The following CERS4 variants were observed in gnomAD, a reference collection of about 807,000 sequenced individuals.
CERS4 encodes the protein ceramide synthase 4, also known as LAG1 homolog, ceramide synthase 4.
In CERS4, 65 loss-of-function variants were observed where a neutral mutation model predicts 51.8. The observed-to-expected ratio is 1.26, with a 90% CI of 1.03 to 1.54. The LOEUF is 1.54. Ranked by LOEUF, CERS4 falls within the 40% of genes most tolerant of loss-of-function variation. The probability of loss-of-function intolerance (pLI) is 0.00; values close to 1 mark genes in which losing one functional copy is unlikely to be tolerated. For missense variants in CERS4, 563 were observed against 500.4 expected, an observed-to-expected ratio of 1.13 and a Z score of -1.19; for synonymous variants, 228 against 208.4, an observed-to-expected ratio of 1.09 and a Z score of -0.81.
intron 2 of CERS4, among the ~76,000 whole-genome samples, chr19:8,220,785 G>C (rs1316458681): frequency 6.6e-6 from 1 of 151,678 alleles, no homozygotes. Flanking sequence ...TGGCATCAAG[G>C]CTGAGGGCTT....
At chr19:8,232,678 A>C (rs1363528350) in intron 2 of CERS4, among the ~76,000 whole-genome samples, 1 of 152,016 alleles carries the variant, frequency 6.6e-6, no homozygotes, top group African/African-American at 2.4e-5. Flanking sequence ...TGAGTATACA[A>C]ATGTTGTTAG....
In CERS4 at chr19:8,258,227, G is replaced by GC. The variant is rs1458283502; in HGVS notation, c.848+244dup. 3.9e-5 allele frequency among the ~76,000 whole-genome samples: 6 copies of GC among 152,292 alleles called. No individual in the cohort carries two copies. In the South Asian group the frequency reaches 1.2e-3, roughly 32 times the overall value. On this transcript the variant is annotated intron_variant, in intron 10 of 11. Coordinates refer to ENST00000251363, the MANE Select transcript of CERS4 (RefSeq NM_024552.3). ...TGCAGTGGGAGGAAGGGTCAGGGCT[G>GC]CCAGCGCACCAAAGTCTGCCCAGTA...
rs869119452 is a variant in CERS4 at position 8,249,587 on chromosome 19, A to ATTTTTTTTT, written c.-1-1475_-1-1467dup. 7.9e-4 allele frequency among the ~76,000 whole-genome samples: 72 copies of ATTTTTTTTT among 91,354 alleles called. 4 individuals are homozygous for ATTTTTTTTT. The highest frequency in any genetic ancestry group is 1.1e-3 in the East Asian group (3 of 2,726). 59.9% of individuals were successfully genotyped at this position (91,354 alleles called of 152,430 possible). On this transcript the variant is annotated intron_variant, in intron 2 of 11. Transcript: ENST00000251363. ...TAGATGGCCAGGAAAGGAACTCTGG[A>ATTTTTTTTT]TTTTTTTTTTTTTTTTTTTTTTGAG...
intron 2 of CERS4, among the ~76,000 whole-genome samples, chr19:8,227,775 C>T (rs941737377): frequency 1.3e-5 from 2 of 152,106 alleles, no homozygotes; most frequent in African/African-American, 4.8e-5. Context: ...CCTAGCGTCA[C>T]CAGATTCACA....
In CERS4 at chr19:8,257,925, C is replaced by T. The variant is rs757091703; in HGVS notation, c.788C>T (p.Ala263Val). The change falls in exon 10 of 12, where the codon GCT becomes GTT. Residue 263 changes from alanine (A) to valine (V), a missense_variant. By Grantham distance (64) the Ala-to-Val change is moderately conservative (BLOSUM62 0). Transcript: ENST00000251363. ...NYMQYQQVCD[A>V]LFLIFSFVFF... is the part of the protein sequence containing the mutation. ...ATGCAGTATCAGCAAGTGTGCGACG[C>T]TCTCTTCCTCATCTTCTCCTTTGTC... 1.2e-6 allele frequency: 2 copies of T among 1,613,970 alleles called. No individual in the cohort carries two copies. Among genetic ancestry groups the T allele is most frequent in the African/African-American group, 2.7e-5 (2 of 74,920 alleles).
intron 2 of CERS4, among the ~76,000 whole-genome samples, chr19:8,217,697 T>C (rs1304756589): frequency 6.6e-6 from 1 of 151,008 alleles, no homozygotes; most frequent in East Asian, 2.0e-4. Flanking sequence ...CCACCACGCC[T>C]GGCTATTTTT....
chr19:8,259,920 TGA>T (rs1969590681), intron 10 of CERS4, among the ~76,000 whole-genome samples: 1 of 152,022 alleles, frequency 6.6e-6, no homozygotes, highest in South Asian at 2.1e-4. Flanking sequence ...CCATGGAGCA[TGA>T]GAGTCAGATT....
chr19:8,242,260 G>C (rs1968568593), intron 2 of CERS4, among the ~76,000 whole-genome samples: 1 of 152,226 alleles, frequency 6.6e-6, no homozygotes, highest in Non-Finnish European at 1.5e-5. Context: ...AGAGGGAGAA[G>C]AGGGAAGGGA....
intron 2 of CERS4, chr19:8,240,588 G>GTGTGTGTGTGTA (rs1436372130): frequency 6.8e-6 from 1 of 147,888 alleles, no homozygotes; most frequent in East Asian, 1.9e-4. Flanking sequence ...GTATGCAAGT[G>GTGTGTGTGTGTA]TGTGTGTGTG....
chr19:8,250,233 CCA>C, intron 2 of CERS4, among the ~76,000 whole-genome samples: 1 of 152,250 alleles, frequency 6.6e-6, no homozygotes. Flanking sequence ...CCTCAGCCTC[CCA>C]CAGTGTTGGG....
chr19:8,214,355 T>C (rs952118962), intron 2 of CERS4: 14 of 152,414 alleles, frequency 9.2e-5, no homozygotes, highest in African/African-American at 3.1e-4. Context: ...ACGGAGCTGA[T>C]GTCCCCGCAG....
At chr19:8,245,119 A>C (rs112286859) in intron 2 of CERS4, among the ~76,000 whole-genome samples, 1,316 of 61,952 alleles carry the variant, frequency 0.021, 41 homozygotes, top group African/African-American at 0.063. Flanking sequence ...CTCAAAAAAA[A>C]AAAAAAAAAA....
chr19:8,229,598 AG>A (rs1967929717), intron 2 of CERS4, among the ~76,000 whole-genome samples: 1 of 151,982 alleles, frequency 6.6e-6, no homozygotes, highest in African/African-American at 2.4e-5. Context: ...TAGTAGAGAC[AG>A]GGTTTCACCA....
intron 2 of CERS4, among the ~76,000 whole-genome samples, chr19:8,234,892 G>C (rs761867383): frequency 1.3e-5 from 2 of 151,722 alleles, no homozygotes; most frequent in Non-Finnish European, 2.9e-5. Context: ...GACTATTCTA[G>C]AGACCTCATA....
At chr19:8,215,345 G>A (rs1967253954) in intron 2 of CERS4, among the ~76,000 whole-genome samples, 1 of 152,042 alleles carries the variant, frequency 6.6e-6, no homozygotes, top group Non-Finnish European at 1.5e-5. Context: ...CAGGTGCAGC[G>A]GTGTGTGCCT....
intron 2 of CERS4, among the ~76,000 whole-genome samples, chr19:8,234,024 C>T (rs534724354): frequency 3.3e-4 from 47 of 141,746 alleles, no homozygotes; most frequent in African/African-American, 3.4e-4. Flanking sequence ...ATAAGAGAGT[C>T]GGCTGGGCGT....
At chr19:8,258,414 A>G (rs1410153117) in intron 10 of CERS4, among the ~76,000 whole-genome samples, 1 of 152,122 alleles carries the variant, frequency 6.6e-6, no homozygotes, top group African/African-American at 2.4e-5. Flanking sequence ...CTAACAAGAA[A>G]ATAAATTTGA....
chr19:8,261,197 C>T (rs1969681329), intron 10 of CERS4: 1 of 152,400 alleles, frequency 6.6e-6, no homozygotes, highest in Admixed American at 6.7e-5. Context: ...AGATGAGGCC[C>T]CACCCCTTTT....
At chr19:8,223,069 C>T (rs927771513) in intron 2 of CERS4, among the ~76,000 whole-genome samples, 4 of 152,192 alleles carry the variant, frequency 2.6e-5, no homozygotes, top group South Asian at 2.1e-4. Flanking sequence ...TGCAGTGGCT[C>T]ACATCTATAG....
Sources: gnomAD v4.1 joint callset for allele counts (sites outside exome capture counted in the v4.1 genomes callset) on GRCh38, gnomAD v4.1.1 for gene constraint, MANE v1.5 for transcripts, NCBI Gene and HGNC (gene_info 2026-07-23, HGNC 2026-07-21) for gene names.